CCDC170: variants seen among roughly 807,000 people sequenced by gnomAD.
CCDC170 encodes coiled-coil domain containing 170.
A neutral mutation model predicts 72.6 loss-of-function variants in CCDC170; 69 were observed. The ratio of observed to expected loss-of-function variants is 0.95; its 90% confidence interval spans 0.78 to 1.16. CCDC170 has a LOEUF of 1.16. Ranked by LOEUF, CCDC170 falls within the 50% of genes most tolerant of loss-of-function variation. The pLI is 0.00. For synonymous variants in CCDC170, 300 were observed against 303.9 expected (o/e 0.99, Z 0.13); for missense variants, 852 against 832.5 (o/e 1.02, Z -0.29).
chr6:151,601,915 A>G (rs1776715698), intron 9 of CCDC170, among the ~76,000 whole-genome samples: 1 of 152,226 alleles, frequency 6.6e-6, no homozygotes. Flanking sequence ...AACCATCATA[A>G]TTCCTTTTTA....
At chr6:151,572,649 G>GGTTTTTTTTTTT (rs1776234680) in intron 5 of CCDC170, among the ~76,000 whole-genome samples, 1 of 37,988 alleles carries the variant, frequency 2.6e-5, no homozygotes, top group African/African-American at 1.2e-4. Flanking sequence ...CCTTCTCTGT[G>GGTTTTTTTTTTT]TTTTTTTTTT....
intron 1 of CCDC170, among the ~76,000 whole-genome samples, chr6:151,533,213 C>A (rs1474788157): frequency 6.6e-6 from 1 of 151,786 alleles, no homozygotes; most frequent in African/African-American, 2.4e-5. Flanking sequence ...GCCACCACAC[C>A]CGGCTAATTT....
At chr6:151,603,075 A>G (rs1211527262) in intron 9 of CCDC170, among the ~76,000 whole-genome samples, 1 of 152,182 alleles carries the variant, frequency 6.6e-6, no homozygotes, top group Non-Finnish European at 1.5e-5. Flanking sequence ...TGCTGGGATT[A>G]CAGGCGTGAG....
At chr6:151,527,837 T>G (rs1782434824) in intron 1 of CCDC170, among the ~76,000 whole-genome samples, 1 of 152,066 alleles carries the variant, frequency 6.6e-6, no homozygotes, top group Non-Finnish European at 1.5e-5. Flanking sequence ...GATAGAATGA[T>G]AAGAATGGAA....
intron 5 of CCDC170, among the ~76,000 whole-genome samples, chr6:151,560,129 G>T (rs6557150): frequency 0.67 from 101,141 of 151,948 alleles, 34,246 homozygotes; most frequent in Admixed American, 0.74. Context: ...CACTACTTTT[G>T]CTGTATCCCA....
chr6:151,560,566 AG>A lies in CCDC170; in HGVS notation c.774+12078del, dbSNP rs77263991. Among the ~76,000 whole-genome samples, 155 of 152,208 alleles carry A rather than the reference AG, an allele frequency of 1.0e-3. 2 individuals carry two copies. In the East Asian group the frequency reaches 0.026, roughly 25 times the overall value. On this transcript the variant is annotated intron_variant, in intron 5 of 10. Coordinates refer to ENST00000239374, the MANE Select transcript of CCDC170 (RefSeq NM_025059.4). ...CCTATTGCTGTCAATGTGGTGTCAA[AG>A]TTTCCCATGATTATTGTATGGCTAT...
chr6:151,588,141 C>T (rs552983596), intron 7 of CCDC170, among the ~76,000 whole-genome samples: 2 of 152,208 alleles, frequency 1.3e-5, no homozygotes, highest in Admixed American at 1.3e-4. Flanking sequence ...AATGGGAAGC[C>T]AGAGAAGGTT....
intron 1 of CCDC170, among the ~76,000 whole-genome samples, chr6:151,523,264 C>G (rs1782350126): frequency 2.0e-5 from 3 of 152,078 alleles, no homozygotes; most frequent in Admixed American, 2.0e-4. Flanking sequence ...CTTCTTCAGG[C>G]AGAGCTAAGG....
At chr6:151,616,843 G>A (rs1345004035) in intron 10 of CCDC170, among the ~76,000 whole-genome samples, 3 of 152,086 alleles carry the variant, frequency 2.0e-5, no homozygotes, top group African/African-American at 7.2e-5. Context: ...CAGCTCTCCG[G>A]GGCCTCTTTT....
At chr6:151,616,217 C>T (rs962450644) in intron 10 of CCDC170, among the ~76,000 whole-genome samples, 3 of 152,086 alleles carry the variant, frequency 2.0e-5, no homozygotes, top group African/African-American at 7.2e-5. Context: ...AGATCAGTTG[C>T]AGGAAACAGC....
chr6:151,506,585 C>T (rs914844978), intron 1 of CCDC170, among the ~76,000 whole-genome samples: 1 of 152,200 alleles, frequency 6.6e-6, no homozygotes, highest in Non-Finnish European at 1.5e-5. Flanking sequence ...TTCTCCAATC[C>T]TGGCAGGGAT....
In CCDC170 at chr6:151,618,412, G is replaced by T. The variant is rs1346951863; in HGVS notation, c.*265G>T. On this transcript the variant is annotated 3_prime_UTR_variant, in exon 11 of 11. Coordinates refer to ENST00000239374, the MANE Select transcript of CCDC170 (RefSeq NM_025059.4). The stretch of plus-strand genomic sequence containing the variant: ...TTGCATGAGTTAGATTGGGAAATGG[G>T]AGTGGGAGATAATATTGGGAGGTAT... The T allele has an allele frequency of 4.3e-6, 2 of 464,956 alleles. No individual in the cohort carries two copies. The highest frequency in any genetic ancestry group is 3.9e-5 in the African/African-American group (2 of 51,280). 28.8% of individuals were successfully genotyped at this position (464,956 alleles called of 1,614,324 possible).
chr6:151,571,164 G>T (rs1025755403), intron 5 of CCDC170, among the ~76,000 whole-genome samples: 2 of 152,134 alleles, frequency 1.3e-5, no homozygotes, highest in African/African-American at 2.4e-5. Context: ...TTAATGGAGA[G>T]AAATTTCTTT....
chr6:151,618,294 C>T lies in CCDC170; in HGVS notation c.*147C>T. The T allele has an allele frequency of 1.5e-6, 1 of 673,362 alleles. No individual in the cohort carries two copies. The highest frequency in any genetic ancestry group is 2.5e-6 in the Non-Finnish European group (1 of 406,422). 41.7% of individuals were successfully genotyped at this position (673,362 alleles called of 1,614,324 possible). A position where few individuals can be genotyped will look rare whatever the true frequency, so the allele number is the denominator to read the frequency against. ...AGAATGCATCACTTGCAAAAACGAT[C>T]TCAAAAGTGTCAGCCTTAGATAAAC... On this transcript the variant is annotated 3_prime_UTR_variant, in exon 11 of 11. Transcript: ENST00000239374.
intron 5 of CCDC170, among the ~76,000 whole-genome samples, chr6:151,570,077 A>G (rs1231313850): frequency 6.6e-6 from 1 of 152,210 alleles, no homozygotes; most frequent in Non-Finnish European, 1.5e-5. Context: ...AAACATTAGT[A>G]TGATATTGGG....
intron 5 of CCDC170, among the ~76,000 whole-genome samples, chr6:151,556,345 A>G (rs1426951736): frequency 6.6e-6 from 1 of 151,850 alleles, no homozygotes; most frequent in Admixed American, 6.6e-5. Context: ...AATCCCAGCT[A>G]TTGGGAGGCT....
chr6:151,617,408 C>CTTTTTTTTTTTTTTTT (rs745655791), intron 10 of CCDC170, among the ~76,000 whole-genome samples: 9 of 91,474 alleles, frequency 9.8e-5, no homozygotes, highest in African/African-American at 1.2e-4. Context: ...GCTGTTTGTT[C>CTTTTTTTTTTTTTTTT]TTTTTTTTTT....
chr6:151,545,402 ACT>A (rs201697564), intron 4 of CCDC170, among the ~76,000 whole-genome samples: 2,104 of 152,112 alleles, frequency 0.014, 55 homozygotes, highest in African/African-American at 0.048. Context: ...ACAGAGTGAG[ACT>A]CTGTCTCAAA....
At position 151,542,523 on chromosome 6, in the gene CCDC170, A is replaced by C. The variant is rs568013175; in HGVS notation, c.444-2049A>C. 3.3e-5 allele frequency among the ~76,000 whole-genome samples: 5 copies of C among 152,384 alleles called. No homozygotes were observed. In the South Asian group the frequency reaches 1.0e-3, roughly 32 times the overall value. ...AGGCGTGAGCCACTGTGCCAAGCCTAGTACATAATTTTAAATGGCCCATTG... is the reference window on the plus strand; with the variant it reads ...AGGCGTGAGCCACTGTGCCAAGCCTCGTACATAATTTTAAATGGCCCATTG... On this transcript the variant is annotated intron_variant, in intron 3 of 10. Transcript: ENST00000239374.
Sources: allele counts gnomAD v4.1 joint callset (sites outside exome capture counted in the v4.1 genomes callset), GRCh38; gene constraint gnomAD v4.1.1; transcripts MANE v1.5; gene names NCBI Gene and HGNC (gene_info 2026-07-23, HGNC 2026-07-21).